CFAP299: variants seen among roughly 807,000 people sequenced by gnomAD.
CFAP299 encodes the protein cilia and flagella associated protein 299.
Under a neutral mutation model 27.0 loss-of-function variants are expected in CFAP299, and 21 were observed. The observed-to-expected ratio is 0.78, with a 90% confidence interval of 0.55 to 1.12. The LOEUF is 1.12. Ranked by LOEUF, CFAP299 falls within the 50% of genes most tolerant of loss-of-function variation. CFAP299 has a pLI of 0.00. For missense variants in CFAP299, 310 were observed against 276.6 expected (o/e 1.12, Z -0.86); for synonymous variants, 104 against 98.1 (o/e 1.06, Z -0.36).
chr4:80,935,967 A>G (rs1237368072), intron 4 of CFAP299, among the ~76,000 whole-genome samples: 1 of 152,212 alleles, frequency 6.6e-6, no homozygotes, highest in Admixed American at 6.6e-5. Flanking sequence ...AGAAAAGCTC[A>G]ACATCACTGA....
chr4:80,855,356 C>A (rs1731788185), intron 3 of CFAP299, among the ~76,000 whole-genome samples: 1 of 151,670 alleles, frequency 6.6e-6, no homozygotes, highest in South Asian at 2.1e-4. Flanking sequence ...TTTATTTCTC[C>A]TTTATAAATC....
Position 80,602,394 on chromosome 4 carries a change from T to C in CFAP299, c.333+19211T>C, listed in dbSNP as rs1352977941. 2.0e-5 allele frequency among the ~76,000 whole-genome samples: 3 copies of C among 152,092 alleles called. No individual in the cohort carries two copies. The East Asian group carries it at 5.8e-4, about 29-fold the overall frequency. ...ATAAGAAATAACATAATAAAATTAA[T>C]TTAAAAAAGTATATACATGGAAAGG... is the stretch of plus-strand genomic sequence containing the variant. On this transcript the variant is annotated intron_variant, in intron 3 of 5. Transcript: ENST00000358105.
chr4:80,362,812 T>C lies in CFAP299; in HGVS notation c.170T>C (p.Val57Ala), dbSNP rs779093105. Residue 57 changes from valine to alanine, a missense_variant, in exon 2 of 6, where the codon GTG becomes GCG. Physicochemically the swap from Val to Ala is moderately conservative, Grantham distance 64. Coordinates refer to ENST00000358105, the MANE Select transcript of CFAP299 (RefSeq NM_152770.3). Reference sequence around the variant, plus strand: ...GGCTACCGAGGGACTGGAGAGAGAGTGAAAAGGGAAGATTTTGAAGCAAGG... The same window carrying C: ...GGCTACCGAGGGACTGGAGAGAGAGCGAAAAGGGAAGATTTTGAAGCAAGG... ...ELGYRGTGERVKREDFEARKA... is the reference protein window; with the variant it reads ...ELGYRGTGERAKREDFEARKA... 14 of 1,611,510 alleles carry C rather than the reference T, an allele frequency of 8.7e-6. No individual in the cohort carries two copies. The highest frequency in any genetic ancestry group is 8.5e-7 in the Non-Finnish European group (1 of 1,179,362).
At chr4:80,593,613 G>T (rs912330088) in intron 3 of CFAP299, among the ~76,000 whole-genome samples, 1 of 152,086 alleles carries the variant, frequency 6.6e-6, no homozygotes, top group African/African-American at 2.4e-5. Context: ...TCCTGAGCAG[G>T]CTGGCTAGAG....
chr4:80,473,118 T>A (rs1458418079), intron 2 of CFAP299, among the ~76,000 whole-genome samples: 1 of 151,898 alleles, frequency 6.6e-6, no homozygotes, highest in Non-Finnish European at 1.5e-5. Context: ...CAATATTACA[T>A]AAATACAAGA....
chr4:80,657,562 C>T (rs1380727320), intron 3 of CFAP299, among the ~76,000 whole-genome samples: 1 of 151,914 alleles, frequency 6.6e-6, no homozygotes, highest in South Asian at 2.1e-4. Context: ...ATTTCTGAGG[C>T]CTCTTTTCTG....
At chr4:80,948,575 G>C (rs541078902) in intron 5 of CFAP299, among the ~76,000 whole-genome samples, 4 of 151,998 alleles carry the variant, frequency 2.6e-5, no homozygotes, top group South Asian at 4.1e-4. Context: ...CTAACCATGG[G>C]ATAGTTTGCT....
chr4:80,710,290 C>A (rs979969147), intron 3 of CFAP299, among the ~76,000 whole-genome samples: 1 of 151,912 alleles, frequency 6.6e-6, no homozygotes, highest in Non-Finnish European at 1.5e-5. Context: ...CATGCAGAAA[C>A]CAGAAAAGGA....
intron 3 of CFAP299, among the ~76,000 whole-genome samples, chr4:80,762,846 G>T (rs1421493136): frequency 6.6e-6 from 1 of 152,100 alleles, no homozygotes; most frequent in African/African-American, 2.4e-5. Context: ...TTCCGCAATG[G>T]GAGACAGCTA....
At chr4:80,584,562 G>C (rs1175721746) in intron 3 of CFAP299, among the ~76,000 whole-genome samples, 1 of 151,924 alleles carries the variant, frequency 6.6e-6, no homozygotes, top group Non-Finnish European at 1.5e-5. Context: ...TTCCTTCCTT[G>C]GTGTCTGTGA....
intron 3 of CFAP299, among the ~76,000 whole-genome samples, chr4:80,807,237 G>A (rs965324436): frequency 6.6e-6 from 1 of 151,948 alleles, no homozygotes; most frequent in Non-Finnish European, 1.5e-5. Flanking sequence ...GTACACTTTG[G>A]CATATAATTT....
intron 2 of CFAP299, among the ~76,000 whole-genome samples, chr4:80,575,952 C>T (rs956114362): frequency 5.3e-5 from 8 of 151,546 alleles, no homozygotes; most frequent in Middle Eastern, 3.2e-3. Context: ...AACTGAACGC[C>T]GCATGTTCTC....
intron 2 of CFAP299, among the ~76,000 whole-genome samples, chr4:80,429,388 T>A (rs1304772559): frequency 2.0e-5 from 3 of 152,210 alleles, no homozygotes; most frequent in Non-Finnish European, 4.4e-5. Flanking sequence ...ATATATCTTA[T>A]GTATCTTAGT....
At chr4:80,391,946 A>G (rs941688365) in intron 2 of CFAP299, among the ~76,000 whole-genome samples, 1 of 152,246 alleles carries the variant, frequency 6.6e-6, no homozygotes, top group African/African-American at 2.4e-5. Context: ...CATCTCTTGC[A>G]TCAGTGTGAC....
At chr4:80,387,384 G>T in intron 2 of CFAP299, 1 of 1,187,066 alleles carries the variant, frequency 8.4e-7, no homozygotes, top group Non-Finnish European at 1.3e-6. Flanking sequence ...TGAGACTTGA[G>T]CTGGAAATAG....
chr4:80,872,858 T>C (rs1323516021), intron 4 of CFAP299: 1 of 937,852 alleles, frequency 1.1e-6, no homozygotes, highest in Non-Finnish European at 1.3e-6. Context: ...TTTTGGATAT[T>C]GATTAATCCT....
intron 3 of CFAP299, among the ~76,000 whole-genome samples, chr4:80,729,227 C>T (rs971180211): frequency 6.6e-5 from 10 of 152,320 alleles, no homozygotes; most frequent in African/African-American, 2.4e-4. Flanking sequence ...GCCAGCTCCA[C>T]ACTCTTTTGG....
At chr4:80,828,661 A>T (rs1380531169) in intron 3 of CFAP299, among the ~76,000 whole-genome samples, 2 of 151,818 alleles carry the variant, frequency 1.3e-5, no homozygotes. Flanking sequence ...TTCACCTTCA[A>T]CCATGATTGT....
At chr4:80,493,546 A>G (rs1199648791) in intron 2 of CFAP299, among the ~76,000 whole-genome samples, 3 of 152,150 alleles carry the variant, frequency 2.0e-5, no homozygotes, top group African/African-American at 7.2e-5. Context: ...GATAGGAAAG[A>G]GTCAGGGTGG....
Sources: gnomAD v4.1 joint callset for allele counts (sites outside exome capture counted in the v4.1 genomes callset) on GRCh38, gnomAD v4.1.1 for gene constraint, MANE v1.5 for transcripts, NCBI Gene and HGNC (gene_info 2026-07-23, HGNC 2026-07-21) for gene names.